The following EGF variants were observed in gnomAD, a reference collection of about 807,000 sequenced individuals.
The protein encoded by EGF is pro-epidermal growth factor.
EGF carries 95 observed loss-of-function variants against 143.8 expected under a neutral mutation model. The observed-to-expected ratio is 0.66, with a 90% confidence interval of 0.56 to 0.78. EGF has a LOEUF of 0.78. Among genes scored for constraint, EGF ranks in the 30% least tolerant of loss-of-function variants. The probability of loss-of-function intolerance (pLI) is 0.00; values close to 1 mark genes in which losing one functional copy is unlikely to be tolerated. For missense variants in EGF, 1,320 were observed against 1,470.9 expected (o/e 0.90, Z 1.68); for synonymous variants, 510 against 510.5 (o/e 1.00, Z 0.01).
chr4:109,945,188 C>T lies in EGF; in HGVS notation c.853C>T (p.Leu285Phe), dbSNP rs1256043845. 2.5e-6 allele frequency: 4 copies of T among 1,613,898 alleles called. No homozygotes were observed. The African/African-American group carries it at 5.3e-5, about 22-fold the overall frequency. Residue 285 changes from leucine (L) to phenylalanine (F), a missense_variant, in exon 5 of 24, where the codon CTC becomes TTC. Leu to Phe is a conservative substitution (Grantham distance 22). This residue lies in a region of EGF where 1,186 missense variants were observed against 1,313.7 expected (regional missense o/e 0.90). Coordinates refer to ENST00000265171, the MANE Select transcript of EGF (RefSeq NM_001963.6). ...TGGAAAGGACATGGTTAGAATTAAC[C>T]TCCATTCATCATTTGTACCACTTGG... Reference protein sequence around the residue: ...HTGKDMVRINLHSSFVPLGEL... With the variant: ...HTGKDMVRINFHSSFVPLGEL...
intron 16 of EGF, among the ~76,000 whole-genome samples, chr4:109,984,526 G>A (rs896580434): frequency 6.6e-6 from 1 of 152,068 alleles, no homozygotes; most frequent in African/African-American, 2.4e-5. Flanking sequence ...ATCAAAATCT[G>A]CACATATGCA....
intron 2 of EGF, among the ~76,000 whole-genome samples, chr4:109,941,880 A>G (rs1741994628): frequency 6.6e-6 from 1 of 152,262 alleles, no homozygotes; most frequent in Non-Finnish European, 1.5e-5. Flanking sequence ...TAGAACCCTT[A>G]CATGAGTCCC....
At chr4:109,968,652 A>G (rs1746993195) in intron 10 of EGF, among the ~76,000 whole-genome samples, 1 of 146,662 alleles carries the variant, frequency 6.8e-6, no homozygotes. Context: ...CTAAGGATAT[A>G]TGTATATTTA....
rs760103609 is a variant in EGF at position 109,959,422 on chromosome 4, C to CGGAAGTACTGTGAAGGTAATGACT, written c.1066+7_1066+30dup. 1.3e-5 allele frequency: 21 copies of CGGAAGTACTGTGAAGGTAATGACT among 1,613,708 alleles called. No individual in the cohort carries two copies. The highest frequency in any genetic ancestry group is 5.5e-5 in the South Asian group (5 of 91,070). ...AGAGGGATACGCCCTAAGTCGAGAC[C>CGGAAGTACTGTGAAGGTAATGACT]GGAAGTACTGTGAAGGTAATGACTG... On this transcript the variant is annotated inframe_insertion, in exon 6 of 24. Coordinates refer to ENST00000265171, the MANE Select transcript of EGF (RefSeq NM_001963.6).
chr4:110,008,365 C>G (rs1381267456), intron 23 of EGF, 135 bp downstream of exon 23: 3 of 1,142,976 alleles, frequency 2.6e-6, no homozygotes, highest in Non-Finnish European at 3.9e-6. Flanking sequence ...ATGTGAATAG[C>G]TGGGCTGTAT....
chr4:109,959,214 T>G, intron 5 of EGF, 98 bp from the exon 6 acceptor site: 1 of 1,567,940 alleles, frequency 6.4e-7, no homozygotes, highest in South Asian at 1.2e-5. Context: ...GCTGTAGACG[T>G]TGTAGGGAGG....
In EGF at chr4:109,987,852, T is replaced by C; in HGVS notation, c.2600T>C (p.Leu867Pro). Reference sequence around the variant, plus strand: ...AAAGGATTTGCTGGGGATGGAAAACTATGTTCTGGTAAGAGAAAAGGGCAA... The same window carrying C: ...AAAGGATTTGCTGGGGATGGAAAACCATGTTCTGGTAAGAGAAAAGGGCAA... ...CLKGFAGDGK[L>P]CSDIDECEMG... The change falls in exon 17 of 24, where the codon CTA (leucine) becomes CCA (proline). Residue 867 changes from leucine (L) to proline (P), a missense_variant. By Grantham distance (98) the Leu-to-Pro change is moderately conservative (BLOSUM62 -3). Around this residue, in one of 5 missense-constraint regions of EGF, gnomAD observed 1,186 missense variants for 1,313.7 expected, o/e 0.90. Coordinates refer to ENST00000265171, the MANE Select transcript of EGF (RefSeq NM_001963.6). The C allele has an allele frequency of 6.2e-7, 1 of 1,612,764 alleles. No individual in the cohort carries two copies. The highest frequency in any genetic ancestry group is 8.5e-7 in the Non-Finnish European group (1 of 1,178,870).
At chr4:109,962,481 T>G (rs1330472918) in intron 8 of EGF, among the ~76,000 whole-genome samples, 3 of 152,184 alleles carry the variant, frequency 2.0e-5, no homozygotes, top group Non-Finnish European at 4.4e-5. Context: ...TGTTTTTGAT[T>G]TTCTAATAAA....
intron 23 of EGF, among the ~76,000 whole-genome samples, chr4:110,009,766 G>T (rs1167589597): frequency 6.6e-6 from 1 of 152,062 alleles, no homozygotes; most frequent in African/African-American, 2.4e-5. Context: ...ATCAAGTTTG[G>T]CTCTGAGCCA....
intron 1 of EGF, among the ~76,000 whole-genome samples, chr4:109,924,773 GC>G (rs1322155589): frequency 6.6e-6 from 1 of 152,194 alleles, no homozygotes; most frequent in Admixed American, 6.5e-5. Flanking sequence ...CCTAGGATGA[GC>G]TTTTTGTTGG....
intron 22 of EGF, 77 bp from the exon 23 acceptor site, chr4:110,008,075 G>T: frequency 7.6e-7 from 1 of 1,315,132 alleles, no homozygotes. Flanking sequence ...TAAAGCCATA[G>T]ACTTTGATTC....
chr4:110,007,013 T>C (rs914757150), intron 22 of EGF, among the ~76,000 whole-genome samples: 4 of 152,238 alleles, frequency 2.6e-5, no homozygotes, highest in African/African-American at 9.6e-5. Flanking sequence ...GGTTGGATTT[T>C]GACTTGAGAC....
chr4:109,916,284 G>T (rs1473948394), intron 1 of EGF, among the ~76,000 whole-genome samples: 1 of 152,032 alleles, frequency 6.6e-6, no homozygotes, highest in Non-Finnish European at 1.5e-5. Context: ...TTTCAGCCAG[G>T]GTTATGCGAT....
intron 23 of EGF, 150 bp from the exon 24 acceptor site, chr4:110,011,052 G>A (rs1753930046): frequency 5.7e-6 from 5 of 869,876 alleles, no homozygotes; most frequent in East Asian, 2.7e-5. Flanking sequence ...AAAAAAAAAA[G>A]AGAAAAAAAT....
At chr4:109,936,258 T>A (rs1472578148) in intron 1 of EGF, among the ~76,000 whole-genome samples, 1 of 152,234 alleles carries the variant, frequency 6.6e-6, no homozygotes, top group East Asian at 1.9e-4. Flanking sequence ...TTCAACTTCT[T>A]CCTGGTTTAG....
intron 21 of EGF, chr4:110,001,666 G>A (rs913129943): frequency 8.0e-5 from 79 of 985,356 alleles, no homozygotes; most frequent in South Asian, 6.6e-4. Flanking sequence ...GAAAGCTAAC[G>A]GCAAATTGCT....
chr4:109,945,011 A>AT, intron 4 of EGF, 62 bp from the exon 5 acceptor site: 3 of 1,549,650 alleles, frequency 1.9e-6, no homozygotes, highest in Non-Finnish European at 2.7e-6. Flanking sequence ...ATGAAGTGAA[A>AT]TTCTAATAAG....
intron 1 of EGF, among the ~76,000 whole-genome samples, chr4:109,931,507 A>T (rs1739689283): frequency 1.3e-5 from 2 of 152,234 alleles, no homozygotes; most frequent in African/African-American, 4.8e-5. Context: ...AGTGCACTAG[A>T]TTGCGATTGC....
intron 1 of EGF, among the ~76,000 whole-genome samples, chr4:109,917,734 T>A (rs1490584366): frequency 6.6e-6 from 1 of 152,046 alleles, no homozygotes; most frequent in African/African-American, 2.4e-5. Context: ...AATTCTCCTG[T>A]CTCAGCCTCC....
Sources: gnomAD v4.1 joint callset for allele counts (sites outside exome capture counted in the v4.1 genomes callset) on GRCh38, gnomAD v4.1.1 for gene constraint, gnomAD v4.1.1 regional missense constraint, MANE v1.5 for transcripts, NCBI Gene and HGNC (gene_info 2026-07-23, HGNC 2026-07-21) for gene names.